Variants in CMTM7 observed in about 807,000 individuals in gnomAD.
CMTM7 encodes the protein CKLF-like MARVEL transmembrane domain-containing protein 7.
CMTM7 carries 7 observed loss-of-function variants against 19.3 expected under a neutral mutation model. That is an observed-to-expected ratio of 0.36 (90% CI 0.21 to 0.68). The LOEUF (loss-of-function observed/expected upper bound fraction) is 0.68, where lower values mean the gene tolerates loss of function less well. Among genes scored for constraint, CMTM7 ranks in the 30% least tolerant of loss-of-function variants. The pLI is 0.60. For synonymous variants in CMTM7, 87 were observed against 99.3 expected (o/e 0.88, Z 0.74); for missense variants, 193 against 232.6 (o/e 0.83, Z 1.11).
chr3:32,416,909 C>T (rs1696275572), intron 1 of CMTM7, among the ~76,000 whole-genome samples: 1 of 152,206 alleles, frequency 6.6e-6, no homozygotes, highest in South Asian at 2.1e-4. Flanking sequence ...AATTTCATCT[C>T]TTCTTCACAA....
chr3:32,410,797 C>G (rs1696162098), intron 1 of CMTM7, among the ~76,000 whole-genome samples: 1 of 152,128 alleles, frequency 6.6e-6, no homozygotes, highest in African/African-American at 2.4e-5. Context: ...GACAGACTCA[C>G]AATCAAAACA....
intron 2 of CMTM7, among the ~76,000 whole-genome samples, chr3:32,444,546 A>G (rs1404155099): frequency 6.6e-6 from 1 of 152,186 alleles, no homozygotes; most frequent in Non-Finnish European, 1.5e-5. Context: ...TTACAATTCC[A>G]TGTGAATTTT....
chr3:32,454,119 C>G, intron 4 of CMTM7, 122 bp from the exon 5 acceptor site: 2 of 1,039,022 alleles, frequency 1.9e-6, no homozygotes, highest in Non-Finnish European at 2.9e-6. Flanking sequence ...CAGTGCAAGT[C>G]GGCACTGGGT....
intron 1 of CMTM7, 116 bp downstream of exon 1, chr3:32,392,181 A>G (rs1341847422): frequency 1.2e-6 from 1 of 815,272 alleles, no homozygotes; most frequent in Non-Finnish European, 1.6e-6. Flanking sequence ...AGCATCGCGC[A>G]GCGGGCGGGG....
At chr3:32,428,920 G>A (rs1413286194) in intron 1 of CMTM7, among the ~76,000 whole-genome samples, 1 of 152,200 alleles carries the variant, frequency 6.6e-6, no homozygotes, top group Admixed American at 6.5e-5. Flanking sequence ...GCCAGGGTTT[G>A]CTTGACTGCA....
chr3:32,395,546 G>C (rs1259268668), intron 1 of CMTM7, among the ~76,000 whole-genome samples: 1 of 152,224 alleles, frequency 6.6e-6, no homozygotes, highest in Non-Finnish European at 1.5e-5. Flanking sequence ...AACTCTGGCA[G>C]AGTTGTTGCT....
chr3:32,400,399 C>T (rs1289111888), intron 1 of CMTM7, among the ~76,000 whole-genome samples: 3 of 116,572 alleles, frequency 2.6e-5, no homozygotes, highest in Non-Finnish European at 3.3e-5. Flanking sequence ...TCTTCTTCTT[C>T]TTTTTTTTTT....
chr3:32,429,623 C>T (rs1262788997), intron 1 of CMTM7, among the ~76,000 whole-genome samples: 1 of 131,804 alleles, frequency 7.6e-6, no homozygotes, highest in Non-Finnish European at 1.6e-5. Flanking sequence ...TTTTTTGAGA[C>T]GGAGTCTCAC....
intron 1 of CMTM7, among the ~76,000 whole-genome samples, chr3:32,433,853 A>G (rs1206647011): frequency 1.3e-5 from 2 of 152,162 alleles, no homozygotes; most frequent in East Asian, 3.8e-4. Context: ...ATTGGATACA[A>G]TCAGAACCCT....
At chr3:32,393,662 G>A (rs1480136908) in intron 1 of CMTM7, among the ~76,000 whole-genome samples, 4 of 151,992 alleles carry the variant, frequency 2.6e-5, no homozygotes, top group African/African-American at 7.3e-5. Flanking sequence ...GGTTGGCATG[G>A]GCCTCTAGTC....
chr3:32,398,758 C>T (rs554791761), intron 1 of CMTM7, among the ~76,000 whole-genome samples: 38 of 151,880 alleles, frequency 2.5e-4, no homozygotes, highest in African/African-American at 8.9e-4. Flanking sequence ...CCGAGGCGGG[C>T]GGATGGCTTG....
intron 1 of CMTM7, among the ~76,000 whole-genome samples, chr3:32,439,540 A>T (rs1334375785): frequency 1.3e-5 from 2 of 152,154 alleles, no homozygotes; most frequent in Non-Finnish European, 2.9e-5. Context: ...TGCAACCTCA[A>T]CCTCCTAGGC....
intron 1 of CMTM7, among the ~76,000 whole-genome samples, chr3:32,402,796 CTT>C (rs1696030470): frequency 6.6e-6 from 1 of 152,194 alleles, no homozygotes; most frequent in Non-Finnish European, 1.5e-5. Context: ...AACTCCTGAC[CTT>C]GTGTTCCGCC....
chr3:32,412,537 A>G (rs958581516), intron 1 of CMTM7, among the ~76,000 whole-genome samples: 1 of 89,788 alleles, frequency 1.1e-5, no homozygotes, highest in African/African-American at 3.8e-5. Context: ...ACACACACAC[A>G]CACTGCATCA....
intron 1 of CMTM7, among the ~76,000 whole-genome samples, chr3:32,400,251 C>G (rs1014368588): frequency 5.9e-5 from 9 of 151,694 alleles, no homozygotes; most frequent in Non-Finnish European, 1.3e-4. Context: ...AACCCCTGAC[C>G]TCAGGTGATC....
intron 1 of CMTM7, among the ~76,000 whole-genome samples, chr3:32,415,503 G>T (rs1369593624): frequency 6.6e-6 from 1 of 152,190 alleles, no homozygotes; most frequent in African/African-American, 2.4e-5. Flanking sequence ...TCCTGATAAG[G>T]GAGGGAAACT....
chr3:32,454,207 G>A, intron 4 of CMTM7, 34 bp from the exon 5 acceptor site: 2 of 1,572,064 alleles, frequency 1.3e-6, no homozygotes, highest in African/African-American at 2.7e-5. Flanking sequence ...CCACATCCCT[G>A]GCAAGCTGTC....
intron 4 of CMTM7, 128 bp downstream of exon 4, chr3:32,452,601 AT>A: frequency 1.1e-6 from 1 of 907,806 alleles, no homozygotes; most frequent in South Asian, 1.5e-5. Context: ...TAGAAGTAGT[AT>A]TAGAGCACAG....
At chr3:32,435,986 C>A (rs1199506683) in intron 1 of CMTM7, among the ~76,000 whole-genome samples, 1 of 152,184 alleles carries the variant, frequency 6.6e-6, no homozygotes, top group African/African-American at 2.4e-5. Context: ...TCCAGAATTA[C>A]CCCCAGCATG....
Sources: gnomAD v4.1 joint callset for allele counts (sites outside exome capture counted in the v4.1 genomes callset) on GRCh38, gnomAD v4.1.1 for gene constraint, MANE v1.5 for transcripts, NCBI Gene and HGNC (gene_info 2026-07-23, HGNC 2026-07-21) for gene names.